IMMP2L: variants seen among roughly 807,000 people sequenced by gnomAD.
IMMP2L encodes the protein mitochondrial inner membrane protease subunit 2.
IMMP2L carries 18 observed loss-of-function variants against 19.3 expected under a neutral mutation model. That is an observed-to-expected ratio of 0.93 (90% CI 0.64 to 1.38). The LOEUF is 1.38. Ranked by LOEUF, IMMP2L falls within the 40% of genes most tolerant of loss-of-function variation. The probability of loss-of-function intolerance (pLI) is 0.00; values close to 1 mark genes in which losing one functional copy is unlikely to be tolerated. For synonymous variants in IMMP2L, 76 were observed against 73.0 expected, an observed-to-expected ratio of 1.04 and a Z score of -0.21; for missense variants, 233 against 218.2, an observed-to-expected ratio of 1.07 and a Z score of -0.43.
intron 3 of IMMP2L, among the ~76,000 whole-genome samples, chr7:111,072,779 C>T (rs1197469709): frequency 6.6e-6 from 1 of 151,922 alleles, no homozygotes; most frequent in Non-Finnish European, 1.5e-5. Flanking sequence ...TCTGTAGTCT[C>T]AGCTACTCGG....
At chr7:111,073,668 G>C (rs997679779) in intron 3 of IMMP2L, among the ~76,000 whole-genome samples, 1 of 152,128 alleles carries the variant, frequency 6.6e-6, no homozygotes, top group South Asian at 2.1e-4. Flanking sequence ...ACATTTTTAG[G>C]AGTCTCAAAT....
intron 4 of IMMP2L, among the ~76,000 whole-genome samples, chr7:110,931,369 C>T (rs188952663): frequency 1.3e-5 from 2 of 152,254 alleles, no homozygotes; most frequent in Admixed American, 1.3e-4. Context: ...TAATTTATCC[C>T]TCACAGTCAA....
chr7:110,907,865 A>G (rs977270478), intron 4 of IMMP2L, among the ~76,000 whole-genome samples: 4 of 152,024 alleles, frequency 2.6e-5, no homozygotes, highest in Non-Finnish European at 5.9e-5. Context: ...GGTGGGGGGG[A>G]AATGCTTCAG....
rs551295269 is a variant in IMMP2L, at chr7:111,193,937, A to G, written c.240-230372T>C. 5.9e-5 allele frequency among the ~76,000 whole-genome samples: 9 copies of G among 152,306 alleles called. No individual in the cohort carries two copies. In the East Asian group the frequency reaches 1.2e-3, roughly 20 times the overall value. On this transcript the variant is annotated intron_variant, in intron 3 of 5. Transcript: ENST00000405709. ...CATCTCAAGACTATATCACATATGC[A>G]TTTGTAAAATATTACTGATTTCTTA...
intron 5 of IMMP2L, among the ~76,000 whole-genome samples, chr7:110,826,676 G>A (rs960142673): frequency 1.2e-4 from 18 of 152,120 alleles, no homozygotes; most frequent in South Asian, 6.2e-4. Context: ...ATCACACACT[G>A]GGGCCTGTCA....
At chr7:111,156,498 C>G (rs1804661429) in intron 3 of IMMP2L, among the ~76,000 whole-genome samples, 1 of 152,062 alleles carries the variant, frequency 6.6e-6, no homozygotes, top group African/African-American at 2.4e-5. Context: ...TTGCATTTCT[C>G]CCACAAAATC....
chr7:111,200,617 A>T (rs544537546), intron 3 of IMMP2L, among the ~76,000 whole-genome samples: 2 of 152,274 alleles, frequency 1.3e-5, no homozygotes, highest in South Asian at 4.1e-4. Flanking sequence ...AAAAAGAAAC[A>T]GACACATATA....
chr7:111,225,186 A>G (rs1229365626), intron 3 of IMMP2L, among the ~76,000 whole-genome samples: 1 of 152,140 alleles, frequency 6.6e-6, no homozygotes. Flanking sequence ...TGTCACTTCA[A>G]GGAAAACAAC....
intron 3 of IMMP2L, among the ~76,000 whole-genome samples, chr7:111,217,404 A>C (rs1812067139): frequency 6.6e-6 from 1 of 152,074 alleles, no homozygotes; most frequent in Admixed American, 6.6e-5. Flanking sequence ...GACCCTTTTC[A>C]CATGAAACAA....
intron 1 of IMMP2L, among the ~76,000 whole-genome samples, chr7:111,560,377 T>C (rs1791894079): frequency 6.6e-6 from 1 of 152,186 alleles, no homozygotes; most frequent in East Asian, 1.9e-4. Context: ...TCTAAGTACA[T>C]CATCCTTTAC....
chr7:111,094,401 T>C (rs895869567), intron 3 of IMMP2L, among the ~76,000 whole-genome samples: 5 of 152,092 alleles, frequency 3.3e-5, no homozygotes, highest in African/African-American at 1.2e-4. Context: ...TCAGTAAGGA[T>C]GCTCCTCTAA....
At chr7:110,895,160 A>G (rs925555172) in intron 4 of IMMP2L, among the ~76,000 whole-genome samples, 6 of 152,184 alleles carry the variant, frequency 3.9e-5, no homozygotes, top group African/African-American at 1.4e-4. Flanking sequence ...GAGCTTTTGC[A>G]GGGTAACTCC....
chr7:111,249,581 T>C (rs954979659), intron 3 of IMMP2L, among the ~76,000 whole-genome samples: 4 of 152,190 alleles, frequency 2.6e-5, no homozygotes, highest in African/African-American at 7.2e-5. Flanking sequence ...ACAAACTGCT[T>C]ATAAGGAAAG....
At chr7:111,235,228 T>C (rs956798068) in intron 3 of IMMP2L, among the ~76,000 whole-genome samples, 1 of 152,084 alleles carries the variant, frequency 6.6e-6, no homozygotes, top group African/African-American at 2.4e-5. Flanking sequence ...TACCAGCACT[T>C]TGGGAGGCTG....
chr7:111,047,567 T>C (rs541034522), intron 3 of IMMP2L, among the ~76,000 whole-genome samples: 15 of 152,172 alleles, frequency 9.9e-5, no homozygotes, highest in African/African-American at 3.6e-4. Context: ...GAAGCCTTTT[T>C]CCTTAGTCTT....
In IMMP2L at chr7:111,313,928, T is replaced by C. The variant is rs373838269; in HGVS notation, c.239+173310A>G. On this transcript the variant is annotated intron_variant, in intron 3 of 5. Transcript: ENST00000405709. ...TAATGGCTTGGTGCTGTCTTTGTGA[T>C]AGTGAGTTCTCGCAAGATCTAGTCA... 1.1e-4 allele frequency among the ~76,000 whole-genome samples: 17 copies of C among 152,088 alleles called. No individual in the cohort carries two copies. In the East Asian group the frequency reaches 2.9e-3, roughly 26 times the overall value.
intron 3 of IMMP2L, among the ~76,000 whole-genome samples, chr7:111,446,815 T>A (rs1838509272): frequency 1.3e-5 from 2 of 151,192 alleles, no homozygotes; most frequent in African/African-American, 2.4e-5. Context: ...TTGAAAAAAA[T>A]TTAGAAGAAT....
At chr7:110,865,989 C>G (rs10235732) in intron 5 of IMMP2L, among the ~76,000 whole-genome samples, 6,686 of 151,938 alleles carry the variant, frequency 0.044, 475 homozygotes, top group African/African-American at 0.15. Flanking sequence ...TAAAAGGATA[C>G]AGATAAGGCA....
In IMMP2L at chr7:111,407,623, T is replaced by C. The variant is rs559681606; in HGVS notation, c.239+79615A>G. Among the ~76,000 whole-genome samples the C allele has an allele frequency of 1.6e-4, 25 of 151,984 alleles. No homozygotes were observed. The South Asian group carries it at 5.2e-3, about 31-fold the overall frequency. On this transcript the variant is annotated intron_variant, in intron 3 of 5. Coordinates refer to ENST00000405709, the MANE Select transcript of IMMP2L (RefSeq NM_032549.4). ...GGGGAAAATCAATAGAAATACAAAA[T>C]AGATTACTGGTTGCCTGGAGGTAGG...
Sources: gnomAD v4.1 joint callset for allele counts (sites outside exome capture counted in the v4.1 genomes callset) on GRCh38, gnomAD v4.1.1 for gene constraint, MANE v1.5 for transcripts, NCBI Gene and HGNC (gene_info 2026-07-23, HGNC 2026-07-21) for gene names.